Variants in CRISP1 observed in about 807,000 individuals in gnomAD.
The protein encoded by CRISP1 is cysteine rich secretory protein 1.
A neutral mutation model predicts 33.1 loss-of-function variants in CRISP1; 44 were observed. The observed-to-expected ratio is 1.33, with a 90% CI of 1.05 to 1.71. The LOEUF (loss-of-function observed/expected upper bound fraction) is 1.71. Ranked by LOEUF, CRISP1 falls within the 40% of genes most tolerant of loss-of-function variation. The probability of loss-of-function intolerance (pLI) is 0.00; values close to 1 mark genes in which losing one functional copy is unlikely to be tolerated. For missense variants in CRISP1, 390 were observed against 301.2 expected (o/e 1.29, Z -2.18); for synonymous variants, 103 against 98.7 (o/e 1.04, Z -0.26).
intron 6 of CRISP1, 103 bp from the exon 7 acceptor site, chr6:49,838,628 T>C: frequency 1.3e-6 from 1 of 766,474 alleles, no homozygotes; most frequent in Non-Finnish European, 2.1e-6. Context: ...TGTGTAAACA[T>C]TCTTGTAAAG....
chr6:49,835,884 A>T (rs1770773938), intron 7 of CRISP1, among the ~76,000 whole-genome samples: 1 of 152,190 alleles, frequency 6.6e-6, no homozygotes, highest in African/African-American at 2.4e-5. Context: ...CACATATAGG[A>T]TGGCATATAT....
chr6:49,846,471 A>G, intron 5 of CRISP1, 49 bp downstream of exon 5: 2 of 1,567,392 alleles, frequency 1.3e-6, no homozygotes, highest in African/African-American at 1.4e-5. Flanking sequence ...GTTTCCACAC[A>G]CATGCTTATC....
At chr6:49,856,120 T>A (rs1176938231) in intron 2 of CRISP1, among the ~76,000 whole-genome samples, 1 of 152,206 alleles carries the variant, frequency 6.6e-6, no homozygotes, top group Non-Finnish European at 1.5e-5. Flanking sequence ...ATGGTTTCCC[T>A]TGGACGGGTA....
At position 49,857,285 on chromosome 6, in the gene CRISP1, C is replaced by T. The variant is rs374875765; in HGVS notation, c.66+50G>A. On this transcript the variant is annotated intron_variant, in intron 2 of 7. Coordinates refer to ENST00000335847, the MANE Select transcript of CRISP1 (RefSeq NM_001131.3). ...ATGGTGAATTGTATTAAAGTGTTAG[C>T]TCTTATCTTTATTTAGAAAGTAATT... 240 of 1,553,862 alleles carry T rather than the reference C, an allele frequency of 1.5e-4. 1 individual carries two copies. In the African/African-American group the frequency reaches 2.9e-3, roughly 19 times the overall value.
intron 3 of CRISP1, among the ~76,000 whole-genome samples, chr6:49,849,968 G>A (rs1336085634): frequency 6.6e-6 from 1 of 151,862 alleles, no homozygotes; most frequent in Non-Finnish European, 1.5e-5. Context: ...TCTCTGGGCT[G>A]GGGGAATACC....
At chr6:49,849,295 C>G (rs775016923) in intron 3 of CRISP1, among the ~76,000 whole-genome samples, 8 of 152,148 alleles carry the variant, frequency 5.3e-5, no homozygotes, top group Admixed American at 2.6e-4. Context: ...CATCGGGCCC[C>G]GCAGGTGGTA....
chr6:49,865,944 G>A (rs1465158851), intron 1 of CRISP1, among the ~76,000 whole-genome samples: 1 of 152,154 alleles, frequency 6.6e-6, no homozygotes, highest in Non-Finnish European at 1.5e-5. Flanking sequence ...CTTACAGTCT[G>A]TAAAATAAAT....
chr6:49,850,154 G>A lies in CRISP1; in HGVS notation c.195+1847C>T, dbSNP rs576765042. Reference sequence around the variant, plus strand: ...GAAGATATACCTAATGCTAAATGACGAGTTAATGGGTGCAGCACACCAGCA... The same window carrying A: ...GAAGATATACCTAATGCTAAATGACAAGTTAATGGGTGCAGCACACCAGCA... On this transcript the variant is annotated intron_variant, in intron 3 of 7. Coordinates refer to ENST00000335847, the MANE Select transcript of CRISP1 (RefSeq NM_001131.3). Among the ~76,000 whole-genome samples the A allele has an allele frequency of 6.5e-4, 98 of 150,772 alleles. 2 individuals are homozygous for A. The highest frequency in any genetic ancestry group is 1.1e-3 in the Non-Finnish European group (74 of 67,700).
chr6:49,849,684 CTGTT>C (rs1771290504), intron 3 of CRISP1, among the ~76,000 whole-genome samples: 1 of 152,116 alleles, frequency 6.6e-6, no homozygotes, highest in Admixed American at 6.6e-5. Flanking sequence ...ACTGTTTAGA[CTGTT>C]TGGAGGACAC....
In CRISP1 at chr6:49,835,278, C is replaced by T; in HGVS notation, c.*38G>A. The stretch of plus-strand genomic sequence containing the variant: ...ATGAATCCAACAGACATCTCCTCCT[C>T]ATCGTCACAGCATAGAACAGTTGAA... On this transcript the variant is annotated 3_prime_UTR_variant, in exon 8 of 8. Coordinates refer to ENST00000335847, the MANE Select transcript of CRISP1 (RefSeq NM_001131.3). The T allele has an allele frequency of 6.2e-7, 1 of 1,601,208 alleles. No homozygotes were observed. The highest frequency in any genetic ancestry group is 2.2e-5 in the East Asian group (1 of 44,518).
intron 4 of CRISP1, among the ~76,000 whole-genome samples, chr6:49,847,993 C>T (rs1296747621): frequency 6.6e-6 from 1 of 152,064 alleles, no homozygotes; most frequent in Non-Finnish European, 1.5e-5. Context: ...AATCTGAAAA[C>T]TCCAGAACTT....
chr6:49,869,697 G>A (rs1178277932), upstream of CRISP1, among the ~76,000 whole-genome samples: 2 of 152,146 alleles, frequency 1.3e-5, no homozygotes, highest in Admixed American at 1.3e-4. Context: ...AGGAGTAAAA[G>A]TGTTAAAAAA....
At chr6:49,866,092 T>C (rs969270835) in intron 1 of CRISP1, among the ~76,000 whole-genome samples, 1 of 152,152 alleles carries the variant, frequency 6.6e-6, no homozygotes, top group East Asian at 1.9e-4. Flanking sequence ...ATTTTCAATA[T>C]TTTGTGAAAT....
chr6:49,851,976 G>C (rs1771359099), intron 3 of CRISP1, 25 bp downstream of exon 3: 1 of 1,597,312 alleles, frequency 6.3e-7, no homozygotes, highest in Non-Finnish European at 8.5e-7. Flanking sequence ...TTGCAATCAT[G>C]GTTGTTGCTA....
At chr6:49,861,082 T>C (rs1208190217) in intron 1 of CRISP1, among the ~76,000 whole-genome samples, 1 of 152,038 alleles carries the variant, frequency 6.6e-6, no homozygotes, top group Non-Finnish European at 1.5e-5. Flanking sequence ...TAATGAATAA[T>C]GACACTGAAT....
intron 1 of CRISP1, among the ~76,000 whole-genome samples, chr6:49,875,941 A>T (rs114961860): frequency 0.01 from 1,588 of 152,062 alleles, 32 homozygotes; most frequent in African/African-American, 0.037. Context: ...AACTACAAAA[A>T]CCCTAAAAAA....
intron 5 of CRISP1, 106 bp from the exon 6 acceptor site, chr6:49,841,101 T>C: frequency 9.7e-7 from 1 of 1,027,798 alleles, no homozygotes; most frequent in Non-Finnish European, 1.4e-6. Flanking sequence ...GCTTTTAGGT[T>C]TACTTTGGGC....
At chr6:49,838,190 A>C (rs535845617) in intron 7 of CRISP1, among the ~76,000 whole-genome samples, 83 of 152,300 alleles carry the variant, frequency 5.4e-4, no homozygotes, top group African/African-American at 1.9e-3. Flanking sequence ...ACCCTAATTA[A>C]ATATTTTAAT....
chr6:49,862,450 GT>G (rs954322623), intron 1 of CRISP1, among the ~76,000 whole-genome samples: 9 of 151,606 alleles, frequency 5.9e-5, no homozygotes, highest in Non-Finnish European at 8.8e-5. Context: ...TTTACATATA[GT>G]TTTTTTTGTC....
Sources: gnomAD v4.1 joint callset for allele counts (sites outside exome capture counted in the v4.1 genomes callset) on GRCh38, gnomAD v4.1.1 for gene constraint, MANE v1.5 for transcripts, NCBI Gene and HGNC (gene_info 2026-07-23, HGNC 2026-07-21) for gene names.